Variants in MVB12B observed in about 807,000 individuals in gnomAD.
MVB12B encodes the protein multivesicular body subunit 12B.
In MVB12B, 16 loss-of-function variants were observed where a neutral mutation model predicts 41.6. The observed-to-expected ratio is 0.38, with a 90% CI of 0.26 to 0.58. The LOEUF is 0.58. Among genes scored for constraint, MVB12B ranks in the 20% least tolerant of loss-of-function variants. MVB12B has a pLI of 0.62. For synonymous variants in MVB12B, 133 were observed against 139.7 expected (o/e 0.95, Z 0.34); for missense variants, 274 against 380.2 (o/e 0.72, Z 2.32).
At chr9:126,450,813 G>A (rs930301868) in intron 7 of MVB12B, among the ~76,000 whole-genome samples, 1 of 152,224 alleles carries the variant, frequency 6.6e-6, no homozygotes, top group Non-Finnish European at 1.5e-5. Context: ...TCAGGCTGGT[G>A]CAGCGGAGGC....
chr9:126,338,820 T>C (rs1432928471), intron 1 of MVB12B, among the ~76,000 whole-genome samples: 1 of 152,226 alleles, frequency 6.6e-6, no homozygotes, highest in Non-Finnish European at 1.5e-5. Context: ...GGTGCAGATA[T>C]TTAATTCTAA....
At chr9:126,431,168 G>A (rs758482993) in intron 7 of MVB12B, among the ~76,000 whole-genome samples, 5 of 152,246 alleles carry the variant, frequency 3.3e-5, no homozygotes, top group Non-Finnish European at 7.3e-5. Flanking sequence ...AGAGTGCTCA[G>A]AGGAAATTTC....
At chr9:126,378,681 G>A (rs936709397) in intron 2 of MVB12B, among the ~76,000 whole-genome samples, 1 of 151,236 alleles carries the variant, frequency 6.6e-6, no homozygotes, top group African/African-American at 2.4e-5. Context: ...ACCTCCCTGG[G>A]CCCTTCATGA....
chr9:126,493,195 A>G (rs1225991263), intron 9 of MVB12B, among the ~76,000 whole-genome samples: 1 of 152,058 alleles, frequency 6.6e-6, no homozygotes, highest in African/African-American at 2.4e-5. Flanking sequence ...TTATTATTTT[A>G]TATATTAAAA....
chr9:126,443,107 C>T (rs953817968), intron 7 of MVB12B, among the ~76,000 whole-genome samples: 4 of 152,182 alleles, frequency 2.6e-5, no homozygotes, highest in East Asian at 1.9e-4. Flanking sequence ...AGTTTGTGTC[C>T]TCCTGGGGTG....
At chr9:126,437,765 C>T (rs1832524216) in intron 7 of MVB12B, among the ~76,000 whole-genome samples, 1 of 152,218 alleles carries the variant, frequency 6.6e-6, no homozygotes. Context: ...GCAGATATGA[C>T]TGATCCTCAT....
chr9:126,439,344 C>T (rs1832575831), intron 7 of MVB12B, among the ~76,000 whole-genome samples: 1 of 152,148 alleles, frequency 6.6e-6, no homozygotes, highest in African/African-American at 2.4e-5. Context: ...GTGAGAGTTG[C>T]TCTGTGGGAG....
At chr9:126,428,405 A>G (rs534866985) in intron 7 of MVB12B, among the ~76,000 whole-genome samples, 1 of 152,296 alleles carries the variant, frequency 6.6e-6, no homozygotes, top group Non-Finnish European at 1.5e-5. Flanking sequence ...GTATCTTACA[A>G]TGTGATCATT....
chr9:126,364,856 A>G (rs868737875), intron 2 of MVB12B, among the ~76,000 whole-genome samples: 8 of 151,718 alleles, frequency 5.3e-5, no homozygotes, highest in Non-Finnish European at 1.2e-4. Flanking sequence ...GGTTCACGCC[A>G]TTCTCCTGCC....
chr9:126,369,908 C>T (rs959754557), intron 2 of MVB12B, among the ~76,000 whole-genome samples: 1 of 152,144 alleles, frequency 6.6e-6, no homozygotes, highest in African/African-American at 2.4e-5. Context: ...CCACCTGGGC[C>T]TCCCAAAGTG....
intron 1 of MVB12B, among the ~76,000 whole-genome samples, chr9:126,332,794 G>T (rs1000955521): frequency 2.8e-4 from 42 of 151,282 alleles, no homozygotes; most frequent in African/African-American, 1.0e-3. Context: ...AATTTTGTTT[G>T]TTTATCCTTC....
intron 2 of MVB12B, among the ~76,000 whole-genome samples, chr9:126,350,805 T>G (rs1202276428): frequency 6.6e-6 from 1 of 152,204 alleles, no homozygotes; most frequent in African/African-American, 2.4e-5. Context: ...GAGGGGACGT[T>G]CAAACTATAG....
chr9:126,436,281 G>A lies in MVB12B; in HGVS notation c.757+14333G>A, dbSNP rs916364941. Among the ~76,000 whole-genome samples the A allele has an allele frequency of 1.3e-5, 2 of 152,152 alleles. No homozygotes were observed. Among genetic ancestry groups the A allele is most frequent in the South Asian group, 2.1e-4 (1 of 4,822 alleles). On this transcript the variant is annotated intron_variant, in intron 7 of 9. Transcript: ENST00000361171. This position sits in a 1 kb window ranked among gnomAD's most constrained non-coding sequence, Gnocchi z 4.1. ...TGTTAGCAGATACGCCCTTTGAAAC[G>A]GGAGCTGAAGAGTAAATTCTGTGCA...
At chr9:126,343,406 C>G (rs1829502219) in intron 2 of MVB12B, among the ~76,000 whole-genome samples, 1 of 152,110 alleles carries the variant, frequency 6.6e-6, no homozygotes, top group African/African-American at 2.4e-5. Flanking sequence ...GCTGTTTTAT[C>G]CTGGGTGGAT....
At position 126,491,659 on chromosome 9, in the gene MVB12B, G is replaced by A. The variant is rs534534498; in HGVS notation, c.873+7627G>A. Among the ~76,000 whole-genome samples the A allele has an allele frequency of 9.2e-5, 14 of 152,250 alleles. No individual in the cohort carries two copies. The South Asian group carries it at 2.9e-3, about 32-fold the overall frequency. ...ATATTAAAAGTTAGATAAATAAAAA[G>A]AAACCAACCTAGTCTGCTCCCTTTA... On this transcript the variant is annotated intron_variant, in intron 9 of 9. Transcript: ENST00000361171.
intron 7 of MVB12B, among the ~76,000 whole-genome samples, chr9:126,467,499 T>C (rs1291505764): frequency 2.6e-5 from 4 of 152,214 alleles, no homozygotes. Flanking sequence ...GGGAATACTG[T>C]AGGCCTACGT....
chr9:126,489,061 G>A (rs912352142), intron 9 of MVB12B, among the ~76,000 whole-genome samples: 1 of 152,180 alleles, frequency 6.6e-6, no homozygotes, highest in African/African-American at 2.4e-5. Flanking sequence ...CTTGGTTGTG[G>A]GTGGGTGTCC....
intron 7 of MVB12B, among the ~76,000 whole-genome samples, chr9:126,462,882 G>A (rs1323353263): frequency 6.6e-6 from 1 of 152,180 alleles, no homozygotes; most frequent in Non-Finnish European, 1.5e-5. Flanking sequence ...ATATTTAGAG[G>A]ATACATTTTC....
chr9:126,461,451 A>C (rs1833087493), intron 7 of MVB12B, among the ~76,000 whole-genome samples: 1 of 152,250 alleles, frequency 6.6e-6, no homozygotes, highest in Admixed American at 6.5e-5. Flanking sequence ...TTATTTTATC[A>C]TCAACCCAGC....
Sources: gnomAD v4.1 joint callset for allele counts (sites outside exome capture counted in the v4.1 genomes callset) on GRCh38, gnomAD v4.1.1 for gene constraint, Gnocchi (gnomAD v3.1) non-coding constraint, MANE v1.5 for transcripts, NCBI Gene and HGNC (gene_info 2026-07-23, HGNC 2026-07-21) for gene names.